The following ABCC12 variants were observed in gnomAD, a reference collection of about 807,000 sequenced individuals.
ABCC12 encodes ATP-binding cassette sub-family C member 12.
Under a neutral mutation model 151.1 loss-of-function variants are expected in ABCC12, and 142 were observed. That is an observed-to-expected ratio of 0.94 (90% confidence interval 0.82 to 1.08). The LOEUF (loss-of-function observed/expected upper bound fraction) is 1.08, where lower values mean the gene tolerates loss of function less well. Among genes scored for constraint, ABCC12 ranks in the 50% least tolerant of loss-of-function variants. The pLI is 0.00. For synonymous variants in ABCC12, 645 were observed against 646.4 expected, an observed-to-expected ratio of 1.00 and a Z score of 0.03; for missense variants, 1,638 against 1,691.1, an observed-to-expected ratio of 0.97 and a Z score of 0.55.
Position 48,105,238 on chromosome 16 carries a change from G to T in ABCC12, c.2574C>A (p.Ser858Arg), listed in dbSNP as rs763640735. The change falls in exon 21 of 31, where the codon AGC (serine) becomes AGA (arginine). Residue 858 changes from serine (S) to arginine (R), a missense_variant. Transcript: ENST00000311303. Reference protein sequence around the residue: ...QHVYQWVYTASMVFMLVFGVT... With the variant: ...QHVYQWVYTARMVFMLVFGVT... ...CGCCAAACACCAGCATGAACACCATGCTTGCAGTGTACACCCACTGGTACA... is the reference window on the plus strand; with the variant it reads ...CGCCAAACACCAGCATGAACACCATTCTTGCAGTGTACACCCACTGGTACA... The T allele has an allele frequency of 2.5e-6, 4 of 1,614,062 alleles. No homozygotes were observed. The African/African-American group carries it at 5.3e-5, about 22-fold the overall frequency.
At chr16:48,105,028 T>G in intron 21 of ABCC12, 111 bp downstream of exon 21, 1 of 1,241,126 alleles carries the variant, frequency 8.1e-7, no homozygotes, top group Non-Finnish European at 1.2e-6. Context: ...GCAAGCTCTA[T>G]GAGGGCTCTG....
At chr16:48,127,784 G>A (rs56281145) in intron 11 of ABCC12, among the ~76,000 whole-genome samples, 3 of 152,250 alleles carry the variant, frequency 2.0e-5, no homozygotes, top group Non-Finnish European at 4.4e-5. Flanking sequence ...TCTAGGACAG[G>A]AGCAGTGGTT....
chr16:48,099,483 T>C (rs760124675), intron 23 of ABCC12, among the ~76,000 whole-genome samples: 5 of 152,214 alleles, frequency 3.3e-5, no homozygotes, highest in Admixed American at 1.3e-4. Context: ...CATCTAATTC[T>C]TTCTCTCTGA....
Position 48,130,773 on chromosome 16 carries a change from C to T in ABCC12, c.1236+15G>A. 3.2e-6 allele frequency: 5 copies of T among 1,579,064 alleles called. No individual in the cohort carries two copies. The highest frequency in any genetic ancestry group is 4.4e-6 in the Non-Finnish European group (5 of 1,148,278). On this transcript the variant is annotated intron_variant, in intron 10 of 30. Transcript: ENST00000311303. ...ATGAGATCTCTCTTCCCTACTCACC[C>T]AGGGTTAGTTATACCTTCATTCTCC...
At chr16:48,115,313 A>C (rs1396166289) in intron 15 of ABCC12, 102 bp downstream of exon 15, 2 of 1,327,932 alleles carry the variant, frequency 1.5e-6, no homozygotes, top group Non-Finnish European at 2.1e-6. Flanking sequence ...CCACATTCCC[A>C]GCTGAAGACA....
Position 48,147,713 on chromosome 16 carries a change from C to T in ABCC12, c.-50-1239G>A, listed in dbSNP as rs146260754. On this transcript the variant is annotated intron_variant, in intron 2 of 30. Transcript: ENST00000311303. The stretch of plus-strand genomic sequence containing the variant: ...AGGAAACTGATGTTCCCTCCCTCCT[C>T]CAATAACCCTACAATAACCCTTGCT... Among the ~76,000 whole-genome samples, 30 of 152,310 alleles carry T rather than the reference C, an allele frequency of 2.0e-4. No individual in the cohort carries two copies. In the East Asian group the frequency reaches 5.8e-3, roughly 29 times the overall value.
intron 13 of ABCC12, among the ~76,000 whole-genome samples, chr16:48,118,859 A>C (rs1309390264): frequency 6.6e-6 from 1 of 152,102 alleles, no homozygotes; most frequent in Non-Finnish European, 1.5e-5. Flanking sequence ...CCTGATCCTC[A>C]CTCTCTGCTC....
intron 12 of ABCC12, 91 bp downstream of exon 12, chr16:48,124,122 G>A: frequency 7.4e-7 from 1 of 1,354,822 alleles, no homozygotes; most frequent in Non-Finnish European, 1.1e-6. Flanking sequence ...GTGCAGCCGA[G>A]GCCATCTGCT....
rs750730728 is a variant in ABCC12, at chr16:48,107,439, G to A, written c.2372-14C>T. 72 of 1,611,200 alleles carry A rather than the reference G, an allele frequency of 4.5e-5. No homozygotes were observed. The Middle Eastern group carries it at 8.2e-4, about 18-fold the overall frequency. ...AAAGGAGGTACCCTGCAAGAGGAGC[G>A]GAGAGGCCCAAGGGGCTGCAGACAT... On this transcript the variant is annotated splice_polypyrimidine_tract_variant and intron_variant, in intron 19 of 30. Transcript: ENST00000311303.
chr16:48,106,295 TG>T (rs1401844183), intron 20 of ABCC12, among the ~76,000 whole-genome samples: 1 of 152,124 alleles, frequency 6.6e-6, no homozygotes, highest in Non-Finnish European at 1.5e-5. Context: ...GCCAAACACA[TG>T]GTTCAACCAC....
Position 48,128,491 on chromosome 16 carries a change from C to A in ABCC12, c.1483G>T (p.Val495Phe), listed in dbSNP as rs1964312654. ...ACCACAAAGCTTATGCTGTGCAGAACCGATTTGAGGCTGTCACTTTGCTCC... is the reference window on the plus strand; with the variant it reads ...ACCACAAAGCTTATGCTGTGCAGAAACGATTTGAGGCTGTCACTTTGCTCC... ...PEEQSDSLKS[V>F]LHSISFVVRK... Residue 495 changes from valine to phenylalanine, a missense_variant, in exon 11 of 31, where the codon GTT (valine) becomes TTT (phenylalanine). Physicochemically the swap from Val to Phe is conservative, Grantham distance 50. Coordinates refer to ENST00000311303, the MANE Select transcript of ABCC12 (RefSeq NM_001393797.1). 1 of 1,614,238 alleles carries A rather than the reference C, an allele frequency of 6.2e-7. No homozygotes were observed. The highest frequency in any genetic ancestry group is 1.1e-5 in the South Asian group (1 of 91,072).
At chr16:48,095,528 G>A (rs557509835) in intron 24 of ABCC12, among the ~76,000 whole-genome samples, 2 of 152,214 alleles carry the variant, frequency 1.3e-5, no homozygotes, top group East Asian at 1.9e-4. Flanking sequence ...AGAGCTTGTG[G>A]AAATTAAATA....
intron 9 of ABCC12, among the ~76,000 whole-genome samples, chr16:48,132,651 T>G (rs1362029761): frequency 2.0e-5 from 3 of 152,214 alleles, no homozygotes; most frequent in Non-Finnish European, 4.4e-5. Context: ...TATCTTTGGA[T>G]GTCCAGGCCC....
chr16:48,128,591 C>T lies in ABCC12; in HGVS notation c.1383G>A (p.Arg461=), dbSNP rs1305860629. The T allele has an allele frequency of 4.3e-6, 7 of 1,614,086 alleles. No homozygotes were observed. Among genetic ancestry groups the T allele is most frequent in the Admixed American group, 1.7e-5 (1 of 60,002 alleles). ...STPKKLQNQK[R]HLCKKQRSEA... ...CTGACCTCTGTTTCTTGCATAAATG[C>T]CTTTTCTGGTTCTGCAATTTCTTTG... The change falls in exon 11 of 31, where the codon AGG becomes AGA. Residue 461 remains arginine, a synonymous_variant. Transcript: ENST00000311303.
At chr16:48,084,677 G>T (rs1962507066) in intron 29 of ABCC12, among the ~76,000 whole-genome samples, 1 of 152,032 alleles carries the variant, frequency 6.6e-6, no homozygotes, top group Admixed American at 6.6e-5. Context: ...AATATGCTCA[G>T]CACACCCAGA....
intron 15 of ABCC12, among the ~76,000 whole-genome samples, chr16:48,113,110 G>A (rs1288846973): frequency 6.6e-6 from 1 of 152,162 alleles, no homozygotes; most frequent in Non-Finnish European, 1.5e-5. Context: ...CCCTGATACT[G>A]CACGGTTCAT....
intron 15 of ABCC12, among the ~76,000 whole-genome samples, chr16:48,114,624 G>A (rs1054489719): frequency 2.6e-5 from 4 of 152,106 alleles, no homozygotes; most frequent in African/African-American, 7.2e-5. Flanking sequence ...GAACACACAC[G>A]TGCACACACA....
At chr16:48,088,473 A>G in intron 26 of ABCC12, 72 bp downstream of exon 26, 1 of 1,521,576 alleles carries the variant, frequency 6.6e-7, no homozygotes, top group Non-Finnish European at 8.9e-7. Context: ...CTCTGGTGTG[A>G]CTTAACTAGG....
Position 48,087,970 on chromosome 16 carries a change from C to A in ABCC12, c.3591G>T (p.Leu1197=), listed in dbSNP as rs757198032. The change falls in exon 27 of 31, where the codon CTG becomes CTT. Residue 1197 remains leucine, a synonymous_variant. Coordinates refer to ENST00000311303, the MANE Select transcript of ABCC12 (RefSeq NM_001393797.1). ...ILSLEDLRTK[L]TVIPQDPVLF... ...GGACAGGATCCTGTGGGATCACAGT[C>A]AGCTTGGTTCTGAGGTCTTCCAAGC... The A allele has an allele frequency of 6.2e-7, 1 of 1,614,096 alleles. No individual in the cohort carries two copies. Among genetic ancestry groups the A allele is most frequent in the Non-Finnish European group, 8.5e-7 (1 of 1,180,046 alleles).
Sources: gnomAD v4.1 joint callset for allele counts (sites outside exome capture counted in the v4.1 genomes callset) on GRCh38, gnomAD v4.1.1 for gene constraint, MANE v1.5 for transcripts, NCBI Gene and HGNC (gene_info 2026-07-23, HGNC 2026-07-21) for gene names.